Variants in ATM observed in about 807,000 individuals in gnomAD.
ATM encodes serine-protein kinase ATM.
ATM carries 308 observed loss-of-function variants against 387.0 expected under a neutral mutation model. That is an observed-to-expected ratio of 0.80 (90% CI 0.73 to 0.87). ATM has a LOEUF of 0.87. ATM is among the 40% of genes least tolerant of loss of function. The pLI is 0.00. For missense variants in ATM, 3,312 were observed against 3,560.9 expected (o/e 0.93, Z 1.78); for synonymous variants, 1,156 against 1,187.3 (o/e 0.97, Z 0.54).
chr11:108,289,657 A>C lies in ATM; in HGVS notation c.4292A>C (p.Asn1431Thr). ...AICEQAAETNNVYKKHRILKI... is the reference protein window; with the variant it reads ...AICEQAAETNTVYKKHRILKI... ...TGTGAGCAAGCAGCTGAAACAAATA[A>C]TGTTTATAAGAAGCACAGAATTCTT... is the stretch of plus-strand genomic sequence containing the variant. Residue 1431 changes from asparagine to threonine, a missense_variant, in exon 29 of 63, where the codon AAT becomes ACT. Physicochemically the swap from Asn to Thr is moderately conservative, Grantham distance 65. Around this residue, in one of 4 missense-constraint regions of ATM, gnomAD observed 1,791 missense variants for 1,804.5 expected, o/e 0.99. Coordinates refer to ENST00000675843, the MANE Select transcript of ATM (RefSeq NM_000051.4). 1 of 1,612,264 alleles carries C rather than the reference A, an allele frequency of 6.2e-7. No individual in the cohort carries two copies. Among genetic ancestry groups the C allele is most frequent in the Non-Finnish European group, 8.5e-7 (1 of 1,179,494 alleles).
At chr11:108,311,312 A>T (rs1191230134) in intron 39 of ATM, among the ~76,000 whole-genome samples, 1 of 152,214 alleles carries the variant, frequency 6.6e-6, no homozygotes, top group Admixed American at 6.5e-5. Flanking sequence ...CCATTTGTGT[A>T]CAGAAATGTA....
At chr11:108,331,658 AC>A in intron 51 of ATM, 101 bp downstream of exon 51, 1 of 1,414,502 alleles carries the variant, frequency 7.1e-7, no homozygotes, top group Non-Finnish European at 9.4e-7. Flanking sequence ...AAATGGAAAT[AC>A]AAAATTTTGT....
At position 108,365,546 on chromosome 11, in the gene ATM, G is replaced by T; in HGVS notation, c.*38G>T. ...GAATTACCCTTTCATTCAGCCTTTA[G>T]AAATTATATTTTAGCCTTTATTTTT... On this transcript the variant is annotated 3_prime_UTR_variant, in exon 63 of 63. Transcript: ENST00000675843. 6.3e-7 allele frequency: 1 copy of T among 1,598,898 alleles called. No individual in the cohort carries two copies. Among genetic ancestry groups the T allele is most frequent in the Non-Finnish European group, 8.5e-7 (1 of 1,170,624 alleles).
intron 37 of ATM, 56 bp from the exon 38 acceptor site, chr11:108,307,841 A>G (rs2135973627): frequency 6.9e-7 from 1 of 1,454,268 alleles, no homozygotes; most frequent in Non-Finnish European, 9.6e-7. Flanking sequence ...ACAAGAAGGA[A>G]GAAGGTGTGT....
At chr11:108,307,068 T>C (rs927099047) in intron 37 of ATM, among the ~76,000 whole-genome samples, 1 of 152,192 alleles carries the variant, frequency 6.6e-6, no homozygotes, top group Non-Finnish European at 1.5e-5. Flanking sequence ...GATATTATTA[T>C]TATTGCCTGT....
chr11:108,312,005 CT>C, intron 39 of ATM, among the ~76,000 whole-genome samples: 1 of 152,170 alleles, frequency 6.6e-6, no homozygotes, highest in African/African-American at 2.4e-5. Flanking sequence ...TATCAGATGT[CT>C]TAAATTTATA....
At chr11:108,223,550 G>A (rs4987882) in intron 1 of ATM, 1 of 152,240 alleles carries the variant, frequency 6.6e-6, no homozygotes, top group African/African-American at 2.4e-5. Flanking sequence ...GCGGTTAAGA[G>A]CTTGGGCTCT....
chr11:108,246,972 G>T lies in ATM; in HGVS notation c.910G>T (p.Glu304Ter). The change falls in exon 8 of 63, where the codon GAA becomes TAA. Residue 304 changes from glutamate to a stop codon, truncating the protein, a stop_gained. Transcript: ENST00000675843. LOFTEE classifies it high-confidence loss of function. ...GAKTQEKGAY[E>*]STKWRSILYN... ...AATTTTTTGGATTACAGGTGCTTAT[G>T]AATCAACAAAATGGAGAAGTATTTT... 6.2e-7 allele frequency: 1 copy of T among 1,610,106 alleles called. No individual in the cohort carries two copies. Among genetic ancestry groups the T allele is most frequent in the South Asian group, 1.1e-5 (1 of 90,778 alleles).
chr11:108,288,689 C>T (rs1452779593), intron 27 of ATM, among the ~76,000 whole-genome samples: 5 of 151,918 alleles, frequency 3.3e-5, no homozygotes, highest in African/African-American at 4.8e-5. Context: ...TACTGAGGCT[C>T]ATTTATTGAA....
In ATM at chr11:108,293,379, A is replaced by C. The variant is rs767981230; in HGVS notation, c.4678A>C (p.Lys1560Gln). The change falls in exon 31 of 63, where the codon AAG becomes CAG. Residue 1560 changes from lysine (K) to glutamine (Q), a missense_variant. Lys to Gln is a moderately conservative substitution (Grantham distance 53). This residue lies in a region of ATM where 1,791 missense variants were observed against 1,804.5 expected (regional missense o/e 0.99). Transcript: ENST00000675843. Reference protein sequence around the residue: ...KDNENLYITIKLLDPFPDHVV... With the variant: ...KDNENLYITIQLLDPFPDHVV... ...TAATGAAAACCTCTATATCACGATT[A>C]AGCTTTTAGATCCTTTTCCTGACCA... is the stretch of plus-strand genomic sequence containing the variant. The C allele has an allele frequency of 1.2e-6, 2 of 1,602,598 alleles. No individual in the cohort carries two copies. Among genetic ancestry groups the C allele is most frequent in the South Asian group, 2.2e-5 (2 of 90,720 alleles).
intron 16 of ATM, among the ~76,000 whole-genome samples, chr11:108,262,530 T>G (rs1394981420): frequency 2.0e-5 from 3 of 152,242 alleles, no homozygotes; most frequent in African/African-American, 7.2e-5. Context: ...TGCAAAATCA[T>G]GCCAAAATGT....
intron 61 of ATM, among the ~76,000 whole-genome samples, chr11:108,363,645 C>G (rs2091041163): frequency 6.6e-6 from 1 of 152,166 alleles, no homozygotes; most frequent in South Asian, 2.1e-4. Flanking sequence ...AGAAATACCC[C>G]ATCCAAAATG....
intron 39 of ATM, among the ~76,000 whole-genome samples, chr11:108,312,135 A>ATCTGC (rs2084216737): frequency 6.6e-6 from 1 of 152,214 alleles, no homozygotes; most frequent in Admixed American, 6.5e-5. Flanking sequence ...ATTGGATGGC[A>ATCTGC]TCTGCTCTAT....
intron 24 of ATM, 101 bp from the exon 25 acceptor site, chr11:108,282,608 AT>A: frequency 8.8e-7 from 1 of 1,130,910 alleles, no homozygotes; most frequent in Non-Finnish European, 1.3e-6. Context: ...GAAAAGTTGA[AT>A]GAATGTTGTT....
chr11:108,258,625 G>A (rs568416563), intron 15 of ATM, among the ~76,000 whole-genome samples: 4 of 152,116 alleles, frequency 2.6e-5, no homozygotes, highest in Non-Finnish European at 5.9e-5. Context: ...TTCAAACCTA[G>A]TATTAGGTAC....
At chr11:108,226,090 T>G (rs2078723299) in intron 1 of ATM, 1 of 152,224 alleles carries the variant, frequency 6.6e-6, no homozygotes, top group Admixed American at 6.5e-5. Context: ...CTTCTTTGTA[T>G]TATATAAAGG....
intron 20 of ATM, among the ~76,000 whole-genome samples, 198 bp from the exon 21 acceptor site, chr11:108,272,334 T>C (rs556231388): frequency 5.3e-5 from 8 of 152,220 alleles, no homozygotes; most frequent in Non-Finnish European, 8.8e-5. Flanking sequence ...TAATATACGC[T>C]AAAATGAATT....
intron 40 of ATM, among the ~76,000 whole-genome samples, chr11:108,314,861 G>T (rs1041593791): frequency 3.3e-5 from 5 of 152,146 alleles, no homozygotes; most frequent in African/African-American, 1.2e-4. Context: ...GAACTGTACT[G>T]TGTTTATCAA....
rs569612113 is a variant in ATM, at chr11:108,284,219, A to G, written c.3747-8A>G. ...TATAACCTGTATTTTAAATTTTTCTATTTTTAGATCTTGTTATAAGGTTTT... is the reference window on the plus strand; with the variant it reads ...TATAACCTGTATTTTAAATTTTTCTGTTTTTAGATCTTGTTATAAGGTTTT... On this transcript the variant is annotated splice_region_variant and splice_polypyrimidine_tract_variant and intron_variant, in intron 25 of 62. Transcript: ENST00000675843. 8.8e-6 allele frequency: 14 copies of G among 1,593,746 alleles called. No homozygotes were observed. Among genetic ancestry groups the G allele is most frequent in the African/African-American group, 8.1e-5 (6 of 74,348 alleles).
Sources: gnomAD v4.1 joint callset for allele counts (sites outside exome capture counted in the v4.1 genomes callset) on GRCh38, gnomAD v4.1.1 for gene constraint, gnomAD v4.1.1 regional missense constraint, MANE v1.5 for transcripts, NCBI Gene and HGNC (gene_info 2026-07-23, HGNC 2026-07-21) for gene names.